The following PHC3 variants were observed in gnomAD, a reference collection of about 807,000 sequenced individuals.
The protein encoded by PHC3 is polyhomeotic homolog 3, also known as polyhomeotic-like protein 3.
PHC3 carries 13 observed loss-of-function variants against 107.4 expected under a neutral mutation model. The observed-to-expected ratio is 0.12, with a 90% CI of 0.08 to 0.19. The LOEUF is 0.19. Among genes scored for constraint, PHC3 ranks in the 10% least tolerant of loss-of-function variants. The pLI, the probability that PHC3 is intolerant of heterozygous loss-of-function variation, is 1.00. For synonymous variants in PHC3, 456 were observed against 427.4 expected (o/e 1.07, Z -0.83); for missense variants, 992 against 1,210.9 (o/e 0.82, Z 2.68).
chr3:170,100,433 T>C (rs1207128185), intron 14 of PHC3, among the ~76,000 whole-genome samples: 1 of 152,170 alleles, frequency 6.6e-6, no homozygotes, highest in Non-Finnish European at 1.5e-5. Context: ...AGAAAGGTGA[T>C]ACAACTAATC....
rs534591030 is a variant in PHC3 at position 170,154,009 on chromosome 3, C to CTAA, written c.415-4768_415-4766dup. ...AACAACTTCTCAAAAATCACCTGCT[C>CTAA]TAATAAGCTTTTTCAGGCATTCCCA... On this transcript the variant is annotated intron_variant, in intron 4 of 14. Coordinates refer to ENST00000495893, the MANE Select transcript of PHC3 (RefSeq NM_024947.4). 3.6e-4 allele frequency among the ~76,000 whole-genome samples: 55 copies of CTAA among 152,280 alleles called. No individual in the cohort carries two copies. The South Asian group carries it at 0.011, about 30-fold the overall frequency.
At chr3:170,102,763 G>GA (rs1414224001) in intron 13 of PHC3, 39 bp downstream of exon 13, 1 of 1,613,216 alleles carries the variant, frequency 6.2e-7, no homozygotes, top group Non-Finnish European at 8.5e-7. Context: ...TTGCATTTCT[G>GA]AAAAGGGTAT....
rs1714632036 is a variant in PHC3 at position 170,096,252 on chromosome 3, C to CTAT, written c.*977_*978insATA. ...TTATTCAGCAGAATATTAATGTTAT[C>CTAT]TGAATAATACTTCCATCATATATGT... On this transcript the variant is annotated 3_prime_UTR_variant, in exon 15 of 15. Coordinates refer to ENST00000495893, the MANE Select transcript of PHC3 (RefSeq NM_024947.4). The CTAT allele has an allele frequency of 6.6e-6, 1 of 152,004 alleles. No homozygotes were observed. The highest frequency in any genetic ancestry group is 6.6e-5 in the Admixed American group (1 of 15,232). The allele number at this position is 152,004 out of a possible 1,614,324, so 9.4% of individuals were successfully genotyped here.
Position 170,178,268 on chromosome 3 carries a change from C to T in PHC3, c.180+505G>A, listed in dbSNP as rs1017923555. 4.0e-5 allele frequency among the ~76,000 whole-genome samples: 6 copies of T among 151,744 alleles called. 1 individual carries two copies. In the East Asian group the frequency reaches 5.8e-4, roughly 15 times the overall value. On this transcript the variant is annotated intron_variant, in intron 2 of 14. Transcript: ENST00000495893. ...ACGCCATTCTCCTGCCTCAGCCTCC[C>T]GAGTAGCTGGGACTACAGGCGCCCG... is the stretch of plus-strand genomic sequence containing the variant.
chr3:170,136,254 T>C, intron 7 of PHC3, 165 bp downstream of exon 7: 1 of 770,752 alleles, frequency 1.3e-6, no homozygotes, highest in Non-Finnish European at 2.0e-6. Flanking sequence ...CTTTTGGGCT[T>C]TTTTGTCTCT....
At chr3:170,134,481 C>T (rs915537847) in intron 7 of PHC3, among the ~76,000 whole-genome samples, 13 of 152,066 alleles carry the variant, frequency 8.5e-5, no homozygotes, top group Admixed American at 4.6e-4. Context: ...TGAGCTACCG[C>T]GCCCAGCTTG....
chr3:170,152,677 T>C (rs35214955), intron 4 of PHC3, among the ~76,000 whole-genome samples: 1,839 of 152,030 alleles, frequency 0.012, 18 homozygotes, highest in Middle Eastern at 0.031. Context: ...CTTTTTTTTT[T>C]TGAGACAGGG....
Position 170,114,758 on chromosome 3 carries a change from C to G in PHC3, c.2194-1239G>C, listed in dbSNP as rs558479311. Among the ~76,000 whole-genome samples the G allele has an allele frequency of 2.9e-3, 445 of 152,264 alleles. 1 individual carries two copies. The highest frequency in any genetic ancestry group is 9.3e-3 in the African/African-American group (388 of 41,564). On this transcript the variant is annotated intron_variant, in intron 10 of 14. Coordinates refer to ENST00000495893, the MANE Select transcript of PHC3 (RefSeq NM_024947.4). Reference sequence around the variant, plus strand: ...TCAGCTAATTTAAAAAACAGAATGACTAGAACATCTTATTCCTCAAGAATG... The same window carrying G: ...TCAGCTAATTTAAAAAACAGAATGAGTAGAACATCTTATTCCTCAAGAATG...
intron 4 of PHC3, among the ~76,000 whole-genome samples, chr3:170,156,130 T>C (rs976318609): frequency 2.0e-5 from 3 of 152,206 alleles, no homozygotes; most frequent in Admixed American, 6.5e-5. Context: ...TTTTATTTTA[T>C]TAAGAAAAGA....
Position 170,091,546 on chromosome 3 carries a change from G to GA in PHC3, c.*5683dup. On this transcript the variant is annotated 3_prime_UTR_variant, in exon 15 of 15. Coordinates refer to ENST00000495893, the MANE Select transcript of PHC3 (RefSeq NM_024947.4). The stretch of plus-strand genomic sequence containing the variant: ...TTAAATGTCAACAAACTATAAAAGG[G>GA]AAAAAATAAAACATCTGGAAAACAT... 1 of 152,130 alleles carries GA rather than the reference G, an allele frequency of 6.6e-6. No homozygotes were observed. The highest frequency in any genetic ancestry group is 1.5e-5 in the Non-Finnish European group (1 of 67,974). The allele number at this position is 152,130 out of a possible 1,614,324, so 9.4% of individuals were successfully genotyped here.
rs1714167718 is a variant in PHC3, at chr3:170,092,150, C to G, written c.*5080G>C. ...AAGTAGCTGGAATTACAGGTGCATG[C>G]CACCACACCCAGCTAATTTTTGTGT... On this transcript the variant is annotated 3_prime_UTR_variant, in exon 15 of 15. Coordinates refer to ENST00000495893, the MANE Select transcript of PHC3 (RefSeq NM_024947.4). The G allele has an allele frequency of 6.6e-6, 1 of 152,138 alleles. No individual in the cohort carries two copies. Among genetic ancestry groups the G allele is most frequent in the Admixed American group, 6.5e-5 (1 of 15,272 alleles). 9.4% of individuals were successfully genotyped at this position (152,138 alleles called of 1,614,324 possible).
intron 2 of PHC3, 32 bp from the exon 3 acceptor site, chr3:170,172,744 C>T (rs1221726494): frequency 1.3e-6 from 2 of 1,564,068 alleles, no homozygotes; most frequent in Non-Finnish European, 1.7e-6. Context: ...AATGTCAAAC[C>T]ATAATCTCAA....
intron 6 of PHC3, among the ~76,000 whole-genome samples, chr3:170,139,490 A>G (rs1723685035): frequency 6.6e-6 from 1 of 152,208 alleles, no homozygotes; most frequent in Non-Finnish European, 1.5e-5. Flanking sequence ...AAAAACCTGA[A>G]ATGAAAAGTA....
chr3:170,122,199 T>C (rs1163629378), intron 9 of PHC3, among the ~76,000 whole-genome samples: 1 of 152,200 alleles, frequency 6.6e-6, no homozygotes, highest in East Asian at 1.9e-4. Context: ...CAATGAGCTA[T>C]GATTGAGCCT....
At chr3:170,178,205 G>A (rs1480716103) in intron 2 of PHC3, among the ~76,000 whole-genome samples, 5 of 149,702 alleles carry the variant, frequency 3.3e-5, no homozygotes, top group South Asian at 4.2e-4. Flanking sequence ...GTGCTGTGGC[G>A]CGATCTCCGC....
chr3:170,131,881 A>G (rs1173667456), intron 7 of PHC3, among the ~76,000 whole-genome samples: 1 of 152,196 alleles, frequency 6.6e-6, no homozygotes, highest in Non-Finnish European at 1.5e-5. Flanking sequence ...GTAAGTAAGC[A>G]ATCTTTTTAT....
chr3:170,104,790 C>G (rs548857580), intron 12 of PHC3, among the ~76,000 whole-genome samples: 1 of 152,256 alleles, frequency 6.6e-6, no homozygotes, highest in East Asian at 1.9e-4. Context: ...TCATTTTACC[C>G]TAAAACAATT....
chr3:170,131,111 C>T (rs1410889024), intron 7 of PHC3, among the ~76,000 whole-genome samples: 1 of 138,284 alleles, frequency 7.2e-6, no homozygotes. Context: ...AAAAAAGAGG[C>T]GTTTGGAAAG....
rs556079488 is a variant in PHC3 at position 170,166,655 on chromosome 3, G to A, written c.414+4718C>T. ...AAAAGTGACAGTGCTATATGAAAGG[G>A]TACGCACAGATTATTTTGGCTTTTT... On this transcript the variant is annotated intron_variant, in intron 4 of 14. Transcript: ENST00000495893. Among the ~76,000 whole-genome samples the A allele has an allele frequency of 2.0e-5, 3 of 150,176 alleles. No individual in the cohort carries two copies. In the South Asian group the frequency reaches 6.6e-4, roughly 33 times the overall value.
Sources: gnomAD v4.1 joint callset for allele counts (sites outside exome capture counted in the v4.1 genomes callset) on GRCh38, gnomAD v4.1.1 for gene constraint, MANE v1.5 for transcripts, NCBI Gene and HGNC (gene_info 2026-07-23, HGNC 2026-07-21) for gene names.